The following PREX1 variants were observed in gnomAD, a reference collection of about 807,000 sequenced individuals.
The protein encoded by PREX1 is phosphatidylinositol-3,4,5-trisphosphate dependent Rac exchange factor 1.
In PREX1, 41 loss-of-function variants were observed where a neutral mutation model predicts 198.3. The ratio of observed to expected loss-of-function variants is 0.21; its 90% confidence interval spans 0.16 to 0.27. PREX1 has a LOEUF of 0.27. Ranked by LOEUF, PREX1 falls within the 10% of genes least tolerant of loss-of-function variation. PREX1 has a pLI of 1.00. For missense variants in PREX1, 1,620 were observed against 2,200.7 expected, an observed-to-expected ratio of 0.74 and a Z score of 5.28; for synonymous variants, 843 against 887.2, an observed-to-expected ratio of 0.95 and a Z score of 0.89.
intron 38 of PREX1, 72 bp from the exon 39 acceptor site, chr20:48,627,687 G>T: frequency 1.3e-6 from 2 of 1,513,088 alleles, no homozygotes; most frequent in South Asian, 2.3e-5. Context: ...TGGGGGGTGG[G>T]GGTGGGGCCC....
At chr20:48,881,715 G>C in the PREX1 span, among the ~76,000 whole-genome samples, 1 of 152,268 alleles carries the variant, frequency 6.6e-6, no homozygotes, top group Non-Finnish European at 1.5e-5. Flanking sequence ...TCAAACGCCT[G>C]ACTTTATGAT....
At chr20:48,632,422 C>A (rs763984085) in intron 34 of PREX1, 31 bp from the exon 35 acceptor site, 2 of 1,612,862 alleles carry the variant, frequency 1.2e-6, no homozygotes, top group African/African-American at 1.3e-5. Context: ...GGCGGGCAGG[C>A]GGTTGGGAGC....
intron 1 of PREX1, among the ~76,000 whole-genome samples, chr20:48,753,062 T>C (rs1007203011): frequency 6.6e-6 from 1 of 152,168 alleles, no homozygotes; most frequent in Admixed American, 6.5e-5. Flanking sequence ...CCAGGTCTTC[T>C]GGGGCATAAG....
At chr20:48,882,501 C>CA in the PREX1 span, among the ~76,000 whole-genome samples, 4,570 of 66,616 alleles carry the variant, frequency 0.069, 572 homozygotes, top group African/African-American at 0.13. Context: ...GACTCCGTCT[C>CA]AAAAAAAAAA....
intron 15 of PREX1, 25 bp from the exon 16 acceptor site, chr20:48,660,086 A>C: frequency 2.5e-6 from 4 of 1,607,526 alleles, no homozygotes; most frequent in Non-Finnish European, 3.4e-6. Flanking sequence ...ATGTGCACTC[A>C]GTGGTCAGAT....
intron 26 of PREX1, among the ~76,000 whole-genome samples, chr20:48,644,703 A>T (rs1215619426): frequency 6.6e-6 from 1 of 152,260 alleles, no homozygotes; most frequent in Non-Finnish European, 1.5e-5. Context: ...AGGGCTGGGA[A>T]ACGTTTCTAG....
chr20:48,671,754 G>A (rs964365305), intron 14 of PREX1, among the ~76,000 whole-genome samples: 8 of 152,090 alleles, frequency 5.3e-5, no homozygotes, highest in Middle Eastern at 3.4e-3. Flanking sequence ...AGACCCACGC[G>A]GGCACACCCT....
chr20:48,695,050 GA>G (rs35202393), intron 7 of PREX1, among the ~76,000 whole-genome samples: 2 of 151,944 alleles, frequency 1.3e-5, no homozygotes, highest in African/African-American at 2.4e-5. Flanking sequence ...AATCCACACA[GA>G]AAAAAAATGC....
the PREX1 span, among the ~76,000 whole-genome samples, chr20:48,846,064 T>G: frequency 6.6e-6 from 1 of 152,194 alleles, no homozygotes; most frequent in Admixed American, 6.5e-5. Context: ...TATTAACTCA[T>G]TAAGTCCTCC....
At chr20:48,659,098 G>A (rs1045405773) in intron 16 of PREX1, among the ~76,000 whole-genome samples, 6 of 149,380 alleles carry the variant, frequency 4.0e-5, no homozygotes, top group Admixed American at 2.0e-4. Flanking sequence ...GTGTGGTGGC[G>A]CAGGTCTGTT....
intron 1 of PREX1, among the ~76,000 whole-genome samples, chr20:48,774,496 A>G (rs544447944): frequency 6.6e-6 from 1 of 152,314 alleles, no homozygotes; most frequent in East Asian, 1.9e-4. Flanking sequence ...ATAGCTTCAA[A>G]TCCCAGACCT....
At chr20:48,834,267 G>A in the PREX1 span, among the ~76,000 whole-genome samples, 1 of 152,174 alleles carries the variant, frequency 6.6e-6, no homozygotes, top group East Asian at 1.9e-4. Flanking sequence ...GTCAAGGCCA[G>A]AGATCGACCT....
Position 48,691,174 on chromosome 20 carries a change from C to T in PREX1, c.1037-78G>A, listed in dbSNP as rs974180597. On this transcript the variant is annotated intron_variant, in intron 8 of 39. Coordinates refer to ENST00000371941, the MANE Select transcript of PREX1 (RefSeq NM_020820.4). The surrounding 1 kb of genome is among the most constrained non-coding windows in gnomAD (Gnocchi z 5.0). ...AACACTCCCCATTGCCAAGCCCTTC[C>T]GCCCCAGCACAGGCAGGGCCCTCGC... The T allele has an allele frequency of 1.9e-5, 30 of 1,579,108 alleles. No homozygotes were observed. The highest frequency in any genetic ancestry group is 1.1e-4 in the African/African-American group (8 of 74,224).
chr20:48,777,328 A>G (rs144643892), intron 1 of PREX1, among the ~76,000 whole-genome samples: 83 of 152,232 alleles, frequency 5.5e-4, no homozygotes, highest in African/African-American at 1.8e-3. Flanking sequence ...ACACACCACC[A>G]TTCTCTTGAG....
At chr20:48,676,053 A>T in intron 14 of PREX1, 140 bp downstream of exon 14, 1 of 856,254 alleles carries the variant, frequency 1.2e-6, no homozygotes, top group Non-Finnish European at 1.8e-6. Flanking sequence ...AAAAAAAAAA[A>T]GATCAAGATG....
In PREX1 at chr20:48,826,545, TA is replaced by T. The variant is rs373231559; in HGVS notation, c.219+1096del. On this transcript the variant is annotated intron_variant, in intron 1 of 39. Transcript: ENST00000371941. ...ACAAGCTACCCGGCCCCTCTGGAGC[TA>T]AACTTTCCCAATCTTAAAAACGGAG... 1.1e-3 allele frequency among the ~76,000 whole-genome samples: 173 copies of T among 152,324 alleles called. 2 individuals are homozygous for T. The South Asian group carries it at 0.015, about 13-fold the overall frequency.
chr20:48,642,071 A>T, intron 29 of PREX1, 97 bp downstream of exon 29: 2 of 1,249,604 alleles, frequency 1.6e-6, no homozygotes, highest in African/African-American at 1.5e-5. Context: ...GTCGTTCAGC[A>T]GTAGGAGGGC....
At position 48,810,629 on chromosome 20, in the gene PREX1, G is replaced by A. The variant is rs1439517943; in HGVS notation, c.219+17013C>T. ...AGGCAGGGCACGGTGGCTCACTCTT[G>A]TAATCCCAGCACTTTGGGAGGCTGA... On this transcript the variant is annotated intron_variant, in intron 1 of 39. Transcript: ENST00000371941. 3.4e-5 allele frequency among the ~76,000 whole-genome samples: 5 copies of A among 146,340 alleles called. No individual in the cohort carries two copies. The Admixed American group carries it at 3.5e-4, about 10-fold the overall frequency.
At chr20:48,824,863 G>T (rs564230311) in intron 1 of PREX1, among the ~76,000 whole-genome samples, 1 of 152,160 alleles carries the variant, frequency 6.6e-6, no homozygotes, top group Non-Finnish European at 1.5e-5. Context: ...TACTTTCCAC[G>T]GTTTCCATGG....
Sources: gnomAD v4.1 joint callset for allele counts (sites outside exome capture counted in the v4.1 genomes callset) on GRCh38, gnomAD v4.1.1 for gene constraint, Gnocchi (gnomAD v3.1) non-coding constraint, MANE v1.5 for transcripts, NCBI Gene and HGNC (gene_info 2026-07-23, HGNC 2026-07-21) for gene names.